Variants in DNAH9 observed in about 807,000 individuals in gnomAD.
DNAH9 encodes dynein axonemal heavy chain 9.
DNAH9 carries 345 observed loss-of-function variants against 471.6 expected under a neutral mutation model. The observed-to-expected ratio is 0.73, with a 90% CI of 0.67 to 0.80. The LOEUF (loss-of-function observed/expected upper bound fraction) is 0.80. Ranked by LOEUF, DNAH9 falls within the 30% of genes least tolerant of loss-of-function variation. The pLI is 0.00. For synonymous variants in DNAH9, 2,093 were observed against 2,123.6 expected (o/e 0.99, Z 0.40); for missense variants, 5,407 against 5,609.2 (o/e 0.96, Z 1.15).
At position 11,784,484 on chromosome 17, in the gene DNAH9, C is replaced by T. The variant is rs1478776268; in HGVS notation, c.8006C>T (p.Thr2669Ile). 6.2e-7 allele frequency: 1 copy of T among 1,614,244 alleles called. No individual in the cohort carries two copies. The highest frequency in any genetic ancestry group is 8.5e-7 in the Non-Finnish European group (1 of 1,180,040). The change falls in exon 41 of 69, where the codon ACA becomes ATA. Residue 2669 changes from threonine to isoleucine, a missense_variant. By Grantham distance (89) the Thr-to-Ile change is moderately conservative (BLOSUM62 -1). Transcript: ENST00000262442. The part of the protein sequence containing the change: ...HQKIATTFLP[T>I]GIKFHYIFNL... ...AAAATTGCTACCACCTTCCTACCCA[C>T]AGGAATCAAATTCCACTACATCTTC...
intron 7 of DNAH9, among the ~76,000 whole-genome samples, chr17:11,631,542 G>A (rs367800368): frequency 6.6e-6 from 1 of 151,962 alleles, no homozygotes; most frequent in African/African-American, 2.4e-5. Context: ...TTACTTGGGA[G>A]GCTGAGGCAG....
intron 38 of DNAH9, among the ~76,000 whole-genome samples, chr17:11,778,958 G>T (rs947447076): frequency 4.6e-5 from 7 of 151,918 alleles, no homozygotes; most frequent in Non-Finnish European, 7.4e-5. Context: ...GTAAGCCGAG[G>T]TTGCACCACG....
chr17:11,763,010 ACCTCGTGATCCTC>A (rs938986097), intron 35 of DNAH9, among the ~76,000 whole-genome samples: 3 of 151,638 alleles, frequency 2.0e-5, no homozygotes, highest in Admixed American at 6.6e-5. Context: ...CGATCTCCTG[ACCTCGTGATCCTC>A]CCTCCTCAGC....
At chr17:11,938,575 A>G (rs543950209) in intron 66 of DNAH9, among the ~76,000 whole-genome samples, 1 of 151,882 alleles carries the variant, frequency 6.6e-6, no homozygotes, top group East Asian at 1.9e-4. Flanking sequence ...CATCCACCCC[A>G]TGGTACTGCC....
intron 8 of DNAH9, among the ~76,000 whole-genome samples, chr17:11,633,122 TATC>T (rs1567678471): frequency 1.3e-5 from 2 of 152,144 alleles, no homozygotes; most frequent in African/African-American, 4.8e-5. Flanking sequence ...TTTGTGCTCT[TATC>T]ATATCACGCT....
chr17:11,909,166 T>G (rs1056170790), intron 61 of DNAH9, among the ~76,000 whole-genome samples: 2 of 152,218 alleles, frequency 1.3e-5, no homozygotes, highest in Non-Finnish European at 2.9e-5. Flanking sequence ...TATTGTCAAC[T>G]ATAGTCTTGA....
intron 29 of DNAH9, 48 bp from the exon 30 acceptor site, chr17:11,742,127 A>G (rs1225448984): frequency 1.3e-6 from 2 of 1,596,590 alleles, no homozygotes; most frequent in Middle Eastern, 1.7e-4. Context: ...CTCCTCTTCA[A>G]CACTGTACTT....
rs1335815543 is a variant in DNAH9 at position 11,708,006 on chromosome 17, CACACACACAGAGAGAGAGAG to C, written c.5552+2823_5552+2842del. Among the ~76,000 whole-genome samples, 15 of 48,282 alleles carry C rather than the reference CACACACACAGAGAGAGAGAG, an allele frequency of 3.1e-4. No homozygotes were observed. The East Asian group carries it at 8.2e-3, about 26-fold the overall frequency. The allele number at this position is 48,282 out of a possible 152,430, so 31.7% of individuals were successfully genotyped here. ...ACACACACACACACACACACACACA[CACACACACAGAGAGAGAGAG>C]AGAGAGAGAGAGAGAGAGAGAGAGA... On this transcript the variant is annotated intron_variant, in intron 26 of 68. Transcript: ENST00000262442.
intron 61 of DNAH9, among the ~76,000 whole-genome samples, chr17:11,906,796 T>C (rs1313414378): frequency 6.6e-6 from 1 of 151,944 alleles, no homozygotes; most frequent in African/African-American, 2.4e-5. Context: ...ACGTTCTCAC[T>C]TAAAGTGGGA....
chr17:11,872,939 ACAGT>A (rs1401439349), intron 52 of DNAH9, among the ~76,000 whole-genome samples: 3 of 152,208 alleles, frequency 2.0e-5, no homozygotes, highest in Admixed American at 2.0e-4. Flanking sequence ...ACAAACAAAA[ACAGT>A]CAGTGAGGGT....
intron 50 of DNAH9, among the ~76,000 whole-genome samples, chr17:11,863,451 A>C (rs555087258): frequency 1.3e-5 from 2 of 152,160 alleles, no homozygotes; most frequent in African/African-American, 4.8e-5. Context: ...TTTTGCATCC[A>C]TGTTCATCAA....
intron 49 of DNAH9, among the ~76,000 whole-genome samples, chr17:11,844,348 TTAATA>T (rs1482809235): frequency 6.6e-6 from 1 of 152,200 alleles, no homozygotes; most frequent in African/African-American, 2.4e-5. Flanking sequence ...ATTTTGTACA[TTAATA>T]TATTATTACA....
intron 51 of DNAH9, among the ~76,000 whole-genome samples, chr17:11,869,788 T>A (rs12452241): frequency 7.9e-5 from 12 of 152,024 alleles, no homozygotes; most frequent in African/African-American, 9.7e-5. Flanking sequence ...TGTTTGTTTC[T>A]GCATAAAAAA....
rs548666809 is a variant in DNAH9, at chr17:11,623,540, C to T, written c.1350+3759C>T. 3.9e-5 allele frequency among the ~76,000 whole-genome samples: 6 copies of T among 152,206 alleles called. No homozygotes were observed. Among genetic ancestry groups the T allele is most frequent in the African/African-American group, 1.4e-4 (6 of 41,526 alleles). On this transcript the variant is annotated intron_variant, in intron 6 of 68. Coordinates refer to ENST00000262442, the MANE Select transcript of DNAH9 (RefSeq NM_001372.4). This position sits in a 1 kb window ranked among gnomAD's most constrained non-coding sequence, Gnocchi z 4.1. The stretch of plus-strand genomic sequence containing the variant: ...TTGCCCTTTGCCATCTTCCTCCTCC[C>T]CCAGCTCTTGCCTCCTGAGTCTGTG...
chr17:11,656,965 A>G (rs1326516160), intron 14 of DNAH9, among the ~76,000 whole-genome samples: 1 of 130,810 alleles, frequency 7.6e-6, no homozygotes, highest in African/African-American at 2.8e-5. Flanking sequence ...TGAATATAAC[A>G]GAATTCATCC....
intron 36 of DNAH9, among the ~76,000 whole-genome samples, chr17:11,765,442 T>A (rs1186535258): frequency 6.6e-6 from 1 of 152,216 alleles, no homozygotes; most frequent in Non-Finnish European, 1.5e-5. Flanking sequence ...AAAAAGAATT[T>A]GCAATTAACT....
At position 11,781,070 on chromosome 17, in the gene DNAH9, G is replaced by T. The variant is rs778132582; in HGVS notation, c.7614G>T (p.Lys2538Asn). The change falls in exon 39 of 69, where the codon AAG (lysine) becomes AAT (asparagine). Residue 2538 changes from lysine to asparagine, a missense_variant. Lys to Asn is a moderately conservative substitution (Grantham distance 94). This residue lies in a region of DNAH9 where 4,636 missense variants were observed against 4,900.3 expected (regional missense o/e 0.95). Coordinates refer to ENST00000262442, the MANE Select transcript of DNAH9 (RefSeq NM_001372.4). ...GAAACTATGGCCCTCCAGGGAACAA[G>T]AAACTCATCTATTTCATTGATGACA... is the stretch of plus-strand genomic sequence containing the variant. The part of the protein sequence containing the change: ...AGRNYGPPGN[K>N]KLIYFIDDMN... The T allele has an allele frequency of 6.2e-7, 1 of 1,614,206 alleles. No individual in the cohort carries two copies. Among genetic ancestry groups the T allele is most frequent in the African/African-American group, 1.3e-5 (1 of 75,064 alleles).
chr17:11,787,740 AT>A (rs749969378), intron 41 of DNAH9, among the ~76,000 whole-genome samples: 11 of 152,158 alleles, frequency 7.2e-5, no homozygotes, highest in Non-Finnish European at 1.2e-4. Flanking sequence ...GTGAGAGATA[AT>A]TGGAACCATG....
chr17:11,809,288 G>A lies in DNAH9; in HGVS notation c.8584-958G>A, dbSNP rs562735806. ...GCTAGTCATAAGAACACAAGAGGCT[G>A]GGCACAGTGGCTCATGCCTGTAATC... On this transcript the variant is annotated intron_variant, in intron 44 of 68. Coordinates refer to ENST00000262442, the MANE Select transcript of DNAH9 (RefSeq NM_001372.4). 5.9e-5 allele frequency among the ~76,000 whole-genome samples: 9 copies of A among 152,198 alleles called. No homozygotes were observed. The East Asian group carries it at 1.4e-3, about 23-fold the overall frequency.
Sources: allele counts gnomAD v4.1 joint callset (sites outside exome capture counted in the v4.1 genomes callset), GRCh38; gene constraint gnomAD v4.1.1; regional missense constraint gnomAD v4.1.1; non-coding constraint Gnocchi (gnomAD v3.1); transcripts MANE v1.5; gene names NCBI Gene and HGNC (gene_info 2026-07-23, HGNC 2026-07-21).